The following ANKRD30A variants were observed in gnomAD, a reference collection of about 807,000 sequenced individuals.
The protein encoded by ANKRD30A is ankyrin repeat domain-containing protein 30A.
In ANKRD30A, 170 loss-of-function variants were observed where a neutral mutation model predicts 166.3. The ratio of observed to expected loss-of-function variants is 1.02; its 90% CI spans 0.90 to 1.16. The LOEUF is 1.16. ANKRD30A is among the 50% of genes most tolerant of loss of function. ANKRD30A has a pLI of 0.00. For missense variants in ANKRD30A, 1,630 were observed against 1,518.0 expected (o/e 1.07, Z -1.23); for synonymous variants, 564 against 508.9 (o/e 1.11, Z -1.46).
chr10:37,156,766 G>C (rs1838414446), intron 13 of ANKRD30A, among the ~76,000 whole-genome samples: 2 of 152,132 alleles, frequency 1.3e-5, no homozygotes, highest in South Asian at 4.1e-4. Flanking sequence ...GGTTTCTTCA[G>C]TGCTTCAGAA....
At chr10:37,233,808 G>T (rs1843551813), downstream of ANKRD30A, among the ~76,000 whole-genome samples, 1 of 152,078 alleles carries the variant, frequency 6.6e-6, no homozygotes, top group Admixed American at 6.6e-5. Context: ...AGGTGGCACA[G>T]ATTATCTAAA....
At chr10:37,241,983 T>G in the ANKRD30A span, 1 of 152,206 alleles carries the variant, frequency 6.6e-6, no homozygotes, top group Non-Finnish European at 1.5e-5. Flanking sequence ...TCTACGTGAC[T>G]ACAATATAAT....
In ANKRD30A at chr10:37,191,728, G is replaced by A. The variant is rs979287806; in HGVS notation, c.2513-1336G>A. Among the ~76,000 whole-genome samples the A allele has an allele frequency of 3.5e-4, 53 of 151,890 alleles. 1 individual carries two copies. Among genetic ancestry groups the A allele is most frequent in the African/African-American group, 1.3e-3 (52 of 41,322 alleles). ...TTAAGATTTCAGGCCAGGTGTGGTGGCTCACGCCTGTAATCCCAGCACTTT... is the reference window on the plus strand; with the variant it reads ...TTAAGATTTCAGGCCAGGTGTGGTGACTCACGCCTGTAATCCCAGCACTTT... On this transcript the variant is annotated intron_variant, in intron 25 of 35. Transcript: ENST00000361713.
At chr10:37,239,241 A>G in the ANKRD30A span, among the ~76,000 whole-genome samples, 1 of 152,188 alleles carries the variant, frequency 6.6e-6, no homozygotes, top group Admixed American at 6.5e-5. Flanking sequence ...CTATGCAGCT[A>G]CGTGATACTT....
At chr10:37,153,849 A>G (rs941234031) in intron 13 of ANKRD30A, among the ~76,000 whole-genome samples, 187 bp downstream of exon 13, 5 of 152,166 alleles carry the variant, frequency 3.3e-5, no homozygotes, top group Admixed American at 3.3e-4. Flanking sequence ...GAGAGTGCTG[A>G]AAAGGAGCTG....
At chr10:37,179,540 G>T (rs1359293698) in intron 24 of ANKRD30A, among the ~76,000 whole-genome samples, 1 of 150,690 alleles carries the variant, frequency 6.6e-6, no homozygotes. Context: ...GAAAATCAAG[G>T]AATATTTATA....
the ANKRD30A span, among the ~76,000 whole-genome samples, chr10:37,242,607 T>A: frequency 6.6e-6 from 1 of 152,294 alleles, no homozygotes. Context: ...CTTTTTCATA[T>A]AAAAAAGTCA....
intron 34 of ANKRD30A, among the ~76,000 whole-genome samples, chr10:37,228,632 T>A (rs1205600162): frequency 2.6e-5 from 4 of 151,994 alleles, no homozygotes; most frequent in Non-Finnish European, 4.4e-5. Context: ...TTTCCTAACT[T>A]GAGGGGAAAT....
intron 15 of ANKRD30A, among the ~76,000 whole-genome samples, chr10:37,162,273 C>T (rs778760278): frequency 8.5e-5 from 13 of 152,050 alleles, no homozygotes; most frequent in East Asian, 1.9e-4. Flanking sequence ...TGTACCTTTC[C>T]GAAGATAGGC....
At chr10:37,136,156 T>G (rs761274769) in intron 5 of ANKRD30A, among the ~76,000 whole-genome samples, 5 of 152,220 alleles carry the variant, frequency 3.3e-5, no homozygotes, top group Non-Finnish European at 7.3e-5. Context: ...ACAAATTATT[T>G]CATTGCTTCA....
Position 37,178,744 on chromosome 10 carries a change from A to C in ANKRD30A, c.2421+2526A>C, listed in dbSNP as rs567152142. Among the ~76,000 whole-genome samples, 8 of 148,970 alleles carry C rather than the reference A, an allele frequency of 5.4e-5. No individual in the cohort carries two copies. In the East Asian group the frequency reaches 7.8e-4, roughly 15 times the overall value. On this transcript the variant is annotated intron_variant, in intron 24 of 35. Transcript: ENST00000361713. ...ATAATTTTAACAGGTGTCGAATGGG[A>C]AGAATCAAGAGCACAAGTCTAGTGA...
chr10:37,211,824 T>C (rs1489280580), intron 31 of ANKRD30A, among the ~76,000 whole-genome samples: 2 of 152,126 alleles, frequency 1.3e-5, no homozygotes, highest in Non-Finnish European at 2.9e-5. Context: ...ATGATCGCCA[T>C]TCTAACTGGT....
intron 14 of ANKRD30A, 39 bp downstream of exon 14, chr10:37,158,459 A>G (rs534138875): frequency 7.4e-6 from 12 of 1,612,756 alleles, no homozygotes; most frequent in Admixed American, 1.7e-5. Context: ...TATCAACTAC[A>G]TATTTTATGA....
At chr10:37,262,295 G>A in the ANKRD30A span, among the ~76,000 whole-genome samples, 1 of 152,264 alleles carries the variant, frequency 6.6e-6, no homozygotes, top group East Asian at 1.9e-4. Flanking sequence ...GAGCTCTTCT[G>A]GAAGTGAATC....
At chr10:37,256,855 C>G in the ANKRD30A span, among the ~76,000 whole-genome samples, 1 of 152,066 alleles carries the variant, frequency 6.6e-6, no homozygotes, top group Non-Finnish European at 1.5e-5. Flanking sequence ...CTGAAGTTTT[C>G]TTTTTTTGTT....
intron 12 of ANKRD30A, among the ~76,000 whole-genome samples, chr10:37,152,932 T>G (rs1459834054): frequency 6.6e-6 from 1 of 152,156 alleles, no homozygotes; most frequent in Admixed American, 6.5e-5. Context: ...TAACACTTGT[T>G]TGCTTTCATT....
chr10:37,207,231 T>C (rs1177612736), intron 31 of ANKRD30A, among the ~76,000 whole-genome samples: 2 of 152,188 alleles, frequency 1.3e-5, no homozygotes, highest in African/African-American at 4.8e-5. Flanking sequence ...TACATTCAGC[T>C]AAACTCTCAT....
At chr10:37,245,326 C>A in the ANKRD30A span, among the ~76,000 whole-genome samples, 2 of 151,956 alleles carry the variant, frequency 1.3e-5, no homozygotes, top group Non-Finnish European at 2.9e-5. Flanking sequence ...ATTTTCTTAT[C>A]TGAATATTTG....
chr10:37,211,004 C>T (rs1842278207), intron 31 of ANKRD30A, among the ~76,000 whole-genome samples: 1 of 151,996 alleles, frequency 6.6e-6, no homozygotes, highest in South Asian at 2.1e-4. Context: ...GCTTTTGTTG[C>T]CATTGCTTTT....
Sources: allele counts gnomAD v4.1 joint callset (sites outside exome capture counted in the v4.1 genomes callset), GRCh38; gene constraint gnomAD v4.1.1; transcripts MANE v1.5; gene names NCBI Gene and HGNC (gene_info 2026-07-23, HGNC 2026-07-21).